Variants in ASTN2 observed in about 807,000 individuals in gnomAD.
ASTN2 encodes the protein astrotactin-2.
ASTN2 carries 54 observed loss-of-function variants against 139.8 expected under a neutral mutation model. That is an observed-to-expected ratio of 0.39 (90% confidence interval 0.31 to 0.48). ASTN2 has a LOEUF of 0.48. ASTN2 is among the 20% of genes least tolerant of loss of function. The pLI is 0.95. For missense variants in ASTN2, 1,565 were observed against 1,725.1 expected, an observed-to-expected ratio of 0.91 and a Z score of 1.64; for synonymous variants, 756 against 719.5, an observed-to-expected ratio of 1.05 and a Z score of -0.81.
chr9:117,155,499 A>C (rs1258951997), intron 3 of ASTN2, among the ~76,000 whole-genome samples: 2 of 146,788 alleles, frequency 1.4e-5, no homozygotes, highest in African/African-American at 5.0e-5. Context: ...AAAGAGACAG[A>C]GAGAGAGAGA....
At chr9:117,304,348 A>G (rs1834948390) in intron 1 of ASTN2, among the ~76,000 whole-genome samples, 1 of 152,170 alleles carries the variant, frequency 6.6e-6, no homozygotes, top group Admixed American at 6.5e-5. Context: ...TCATTGCTTC[A>G]GTTATTTCAT....
At chr9:117,126,371 C>T (rs998429082) in intron 4 of ASTN2, among the ~76,000 whole-genome samples, 4 of 152,184 alleles carry the variant, frequency 2.6e-5, no homozygotes, top group African/African-American at 4.8e-5. Flanking sequence ...AAGCTCCTGG[C>T]TGTGCAAGTT....
At position 117,306,466 on chromosome 9, in the gene ASTN2, C is replaced by A. The variant is rs551454752; in HGVS notation, c.443-14953G>T. On this transcript the variant is annotated intron_variant, in intron 1 of 22. Transcript: ENST00000313400. ...CCAGATTCTGAGTAGCCTCCTTGCT[C>A]TGCCACTGATGTGCTGTTTCACCCG... Among the ~76,000 whole-genome samples, 5 of 152,304 alleles carry A rather than the reference C, an allele frequency of 3.3e-5. No homozygotes were observed. The South Asian group carries it at 1.0e-3, about 32-fold the overall frequency.
In ASTN2 at chr9:116,847,007, CAAAA is replaced by C. The variant is rs11302692; in HGVS notation, c.2040+16572_2040+16575del. The stretch of plus-strand genomic sequence containing the variant: ...AATTATAAAGCCTTAGCTTCATTCT[CAAAA>C]AAAAAAAAAAAAAAACAAAAAACAA... On this transcript the variant is annotated intron_variant, in intron 11 of 22. Transcript: ENST00000313400. 2.0e-4 allele frequency among the ~76,000 whole-genome samples: 15 copies of C among 75,882 alleles called. No homozygotes were observed. The South Asian group carries it at 5.4e-3, about 27-fold the overall frequency. 49.8% of individuals were successfully genotyped at this position (75,882 alleles called of 152,430 possible).
intron 1 of ASTN2, among the ~76,000 whole-genome samples, chr9:117,345,472 C>T (rs759249207): frequency 1.8e-4 from 27 of 152,136 alleles, no homozygotes; most frequent in Non-Finnish European, 3.1e-4. Context: ...AAATCCCTAC[C>T]GTAATCCTGC....
chr9:117,414,427 C>T lies in ASTN2; in HGVS notation c.442+70G>A. The T allele has an allele frequency of 1.3e-6, 2 of 1,581,804 alleles. No individual in the cohort carries two copies. The highest frequency in any genetic ancestry group is 1.7e-6 in the Non-Finnish European group (2 of 1,164,206). ...CCGGGCAGGGATCCCCAGGGCGCCC[C>T]CACCCGTCCGGCATGACGCAGGGGC... is the stretch of plus-strand genomic sequence containing the variant. On this transcript the variant is annotated intron_variant, in intron 1 of 22. Transcript: ENST00000313400. The surrounding 1 kb of genome is among the most constrained non-coding windows in gnomAD (Gnocchi z 4.2).
chr9:117,260,169 C>A (rs1238143319), intron 2 of ASTN2, among the ~76,000 whole-genome samples: 2 of 152,102 alleles, frequency 1.3e-5, no homozygotes, highest in Non-Finnish European at 2.9e-5. Context: ...AACATCAAAG[C>A]TAGCCACCCC....
At chr9:117,106,238 T>G (rs553233553) in intron 4 of ASTN2, among the ~76,000 whole-genome samples, 2 of 152,150 alleles carry the variant, frequency 1.3e-5, no homozygotes, top group Non-Finnish European at 1.5e-5. Flanking sequence ...TCTTTTTTTT[T>G]TCTTTTGAGA....
chr9:116,691,851 A>G (rs1300724122), intron 16 of ASTN2, among the ~76,000 whole-genome samples: 1 of 152,212 alleles, frequency 6.6e-6, no homozygotes, highest in East Asian at 1.9e-4. Flanking sequence ...TGAGGAATAA[A>G]GTTTAGAAAG....
intron 5 of ASTN2, among the ~76,000 whole-genome samples, chr9:117,044,748 G>A (rs1396653849): frequency 1.3e-5 from 2 of 152,130 alleles, no homozygotes; most frequent in Non-Finnish European, 1.5e-5. Flanking sequence ...GAATCCAGCC[G>A]ATTTTTATTG....
At chr9:117,014,368 T>C (rs1347719465) in intron 6 of ASTN2, among the ~76,000 whole-genome samples, 1 of 152,098 alleles carries the variant, frequency 6.6e-6, no homozygotes, top group Non-Finnish European at 1.5e-5. Context: ...TTTTTGAGTA[T>C]GGGTAAAGGC....
intron 1 of ASTN2, among the ~76,000 whole-genome samples, chr9:117,343,272 T>A (rs1829115567): frequency 6.6e-6 from 1 of 152,202 alleles, no homozygotes; most frequent in African/African-American, 2.4e-5. Context: ...AATCTCCCTC[T>A]GCTTCCCTTT....
At chr9:117,403,753 G>T (rs1016698202) in intron 1 of ASTN2, among the ~76,000 whole-genome samples, 1 of 152,066 alleles carries the variant, frequency 6.6e-6, no homozygotes, top group African/African-American at 2.4e-5. Context: ...ATTCTGCCCC[G>T]CCTGCTCCCA....
intron 3 of ASTN2, among the ~76,000 whole-genome samples, chr9:117,156,441 C>A (rs1418864497): frequency 6.6e-6 from 1 of 152,020 alleles, no homozygotes; most frequent in Non-Finnish European, 1.5e-5. Flanking sequence ...GCTGTGGAAA[C>A]TGTCTGATGC....
At chr9:116,643,740 A>G (rs971891578) in intron 17 of ASTN2, among the ~76,000 whole-genome samples, 43 of 152,164 alleles carry the variant, frequency 2.8e-4, no homozygotes, top group African/African-American at 9.9e-4. Context: ...ATCATCAAAA[A>G]ACTTGCTTTG....
intron 5 of ASTN2, among the ~76,000 whole-genome samples, chr9:117,045,991 CGTATGTATGTATGTAT>C (rs57186974): frequency 1.4e-5 from 2 of 142,976 alleles, no homozygotes; most frequent in African/African-American, 5.3e-5. Flanking sequence ...TACGTACGTA[CGTATGTATGTATGTAT>C]GTATGTATGT....
At chr9:117,037,382 T>C (rs1564395743) in intron 6 of ASTN2, among the ~76,000 whole-genome samples, 1 of 152,166 alleles carries the variant, frequency 6.6e-6, no homozygotes, top group East Asian at 1.9e-4. Context: ...ACATGCTGTC[T>C]GAAAATCTGA....
chr9:116,732,587 C>T (rs1048142536), intron 14 of ASTN2, among the ~76,000 whole-genome samples: 1 of 152,182 alleles, frequency 6.6e-6, no homozygotes, highest in African/African-American at 2.4e-5. Flanking sequence ...CACAGTATCA[C>T]AAAGGCAGAG....
At chr9:116,665,651 G>A (rs1858818042) in intron 16 of ASTN2, among the ~76,000 whole-genome samples, 2 of 152,122 alleles carry the variant, frequency 1.3e-5, no homozygotes, top group Non-Finnish European at 2.9e-5. Context: ...AGCCTGGGAT[G>A]TTTTGTTGTA....
Sources: allele counts gnomAD v4.1 joint callset (sites outside exome capture counted in the v4.1 genomes callset), GRCh38; gene constraint gnomAD v4.1.1; non-coding constraint Gnocchi (gnomAD v3.1); transcripts MANE v1.5; gene names NCBI Gene and HGNC (gene_info 2026-07-23, HGNC 2026-07-21).